The following IL20RB variants were observed in gnomAD, a reference collection of about 807,000 sequenced individuals.
The protein encoded by IL20RB is interleukin 20 receptor subunit beta.
A neutral mutation model predicts 33.3 loss-of-function variants in IL20RB; 21 were observed. The observed-to-expected ratio is 0.63, with a 90% CI of 0.45 to 0.91. IL20RB has a LOEUF of 0.91. IL20RB is among the 40% of genes least tolerant of loss of function. The pLI is 0.00. For synonymous variants in IL20RB, 147 were observed against 146.8 expected (o/e 1.00, Z -0.01); for missense variants, 345 against 384.8 (o/e 0.90, Z 0.86).
chr3:136,997,978 C>G (rs1942163985), intron 6 of IL20RB, among the ~76,000 whole-genome samples: 1 of 152,050 alleles, frequency 6.6e-6, no homozygotes. Context: ...CCATATTGAT[C>G]AGGCTGGTCT....
intron 3 of IL20RB, among the ~76,000 whole-genome samples, chr3:136,983,701 T>C (rs549593790): frequency 5.3e-5 from 8 of 152,284 alleles, no homozygotes; most frequent in African/African-American, 1.9e-4. Context: ...TCTTGAAGAA[T>C]AGGAGACACC....
intron 3 of IL20RB, among the ~76,000 whole-genome samples, chr3:136,985,252 A>T (rs1941871924): frequency 6.6e-6 from 1 of 152,040 alleles, no homozygotes. Context: ...CATTTGAAAA[A>T]GGCCACTCAG....
intron 6 of IL20RB, among the ~76,000 whole-genome samples, chr3:137,006,981 A>G (rs1038087107): frequency 1.3e-5 from 2 of 151,632 alleles, no homozygotes; most frequent in Non-Finnish European, 2.9e-5. Context: ...GTTGATGTTG[A>G]TGCTCTTCCT....
At chr3:136,985,056 G>A (rs1489837611) in intron 3 of IL20RB, among the ~76,000 whole-genome samples, 1 of 152,166 alleles carries the variant, frequency 6.6e-6, no homozygotes, top group East Asian at 1.9e-4. Context: ...ATGTGGGTGG[G>A]GATGTGCTGT....
chr3:136,976,364 C>T, intron 1 of IL20RB, among the ~76,000 whole-genome samples: 1 of 152,148 alleles, frequency 6.6e-6, no homozygotes, highest in East Asian at 1.9e-4. Flanking sequence ...TGAGGTCCTC[C>T]CACTGGAGAA....
At chr3:136,981,078 A>T (rs529181703) in intron 2 of IL20RB, among the ~76,000 whole-genome samples, 1 of 152,280 alleles carries the variant, frequency 6.6e-6, no homozygotes, top group Non-Finnish European at 1.5e-5. Context: ...AAATTGCTCC[A>T]TATATTTCAT....
chr3:137,006,180 T>C (rs1366004804), intron 6 of IL20RB, among the ~76,000 whole-genome samples: 2 of 152,294 alleles, frequency 1.3e-5, no homozygotes, highest in South Asian at 2.1e-4. Flanking sequence ...TGACCTTTCT[T>C]TCTGGCTGCC....
chr3:137,007,917 G>A (rs1039904533), intron 6 of IL20RB, among the ~76,000 whole-genome samples: 8 of 152,100 alleles, frequency 5.3e-5, no homozygotes, highest in Non-Finnish European at 1.0e-4. Flanking sequence ...CAGCCATCTT[G>A]GAACGCAATC....
chr3:137,006,349 C>CGCAT (rs1173308819), intron 6 of IL20RB, among the ~76,000 whole-genome samples: 2 of 152,220 alleles, frequency 1.3e-5, no homozygotes, highest in African/African-American at 4.8e-5. Context: ...GGATAATATC[C>CGCAT]TGCAGAGTGT....
chr3:137,006,462 T>C (rs1942352029), intron 6 of IL20RB, among the ~76,000 whole-genome samples: 1 of 147,584 alleles, frequency 6.8e-6, no homozygotes, highest in Admixed American at 6.8e-5. Flanking sequence ...CTTTGTTCAC[T>C]TTTTTTTTTA....
chr3:136,982,484 C>G lies in IL20RB; in HGVS notation c.406+134C>G, dbSNP rs928282685. 5.1e-6 allele frequency: 3 copies of G among 582,718 alleles called. No homozygotes were observed. The African/African-American group carries it at 5.7e-5, about 11-fold the overall frequency. The allele number at this position is 582,718 out of a possible 1,614,324, so 36.1% of individuals were successfully genotyped here. On this transcript the variant is annotated intron_variant, in intron 3 of 6. Coordinates refer to ENST00000329582, the MANE Select transcript of IL20RB (RefSeq NM_144717.4). ...CCAGAGTATTGTGAACACAAACAAC[C>G]CTTACTGGTATATTTGAAAAATTGC...
At chr3:137,009,845 C>T (rs192909244) in intron 6 of IL20RB, among the ~76,000 whole-genome samples, 2 of 151,916 alleles carry the variant, frequency 1.3e-5, no homozygotes, top group East Asian at 3.9e-4. Flanking sequence ...TTTTAAGAAC[C>T]AGAATTACAT....
intron 3 of IL20RB, among the ~76,000 whole-genome samples, chr3:136,982,981 G>T (rs976169017): frequency 2.0e-5 from 3 of 152,206 alleles, no homozygotes; most frequent in Non-Finnish European, 4.4e-5. Flanking sequence ...AGGGCTGATG[G>T]GCAGGGGGTA....
rs145506661 is a variant in IL20RB, at chr3:136,997,522, T to C, written c.825+1966T>C. ...CAAGTAATGGAGTCTTTTATCATTATGATATGTTCTTCTTTACCTCTGGTA... is the reference window on the plus strand; with the variant it reads ...CAAGTAATGGAGTCTTTTATCATTACGATATGTTCTTCTTTACCTCTGGTA... On this transcript the variant is annotated intron_variant, in intron 6 of 6. Transcript: ENST00000329582. 9.7e-3 allele frequency among the ~76,000 whole-genome samples: 1,470 copies of C among 152,262 alleles called. 11 individuals are homozygous for C. Among genetic ancestry groups the C allele is most frequent in the South Asian group, 0.018 (87 of 4,830 alleles).
intron 6 of IL20RB, among the ~76,000 whole-genome samples, chr3:137,006,928 T>G (rs1683834134): frequency 6.6e-6 from 1 of 152,224 alleles, no homozygotes; most frequent in South Asian, 2.1e-4. Flanking sequence ...TTCGTCTTGA[T>G]GTTGGTGACT....
Position 136,962,095 on chromosome 3 carries a change from T to C in IL20RB, c.88+3894T>C, listed in dbSNP as rs1641735589. Among the ~76,000 whole-genome samples the C allele has an allele frequency of 1.3e-5, 2 of 152,136 alleles. 1 individual carries two copies. The highest frequency in any genetic ancestry group is 4.1e-4 in the South Asian group (2 of 4,832). On this transcript the variant is annotated intron_variant, in intron 1 of 6. Transcript: ENST00000329582. ...GGAACAGCTCTTCCTAACAAAAGAA[T>C]ACAATTAAATAAAATATCACTACTA...
intron 6 of IL20RB, among the ~76,000 whole-genome samples, chr3:137,007,539 C>A (rs796172815): frequency 6.6e-6 from 1 of 152,256 alleles, no homozygotes; most frequent in African/African-American, 2.4e-5. Context: ...GCAGATTGAT[C>A]TCAGACTGCT....
In IL20RB at chr3:136,982,308, T is replaced by C. The variant is rs1560070544; in HGVS notation, c.364T>C (p.Ser122Pro). The C allele has an allele frequency of 6.2e-7, 1 of 1,608,216 alleles. No homozygotes were observed. Among genetic ancestry groups the C allele is most frequent in the Non-Finnish European group, 8.5e-7 (1 of 1,175,678 alleles). Residue 122 changes from serine to proline, a missense_variant, in exon 3 of 7, where the codon TCA (serine) becomes CCA (proline). Ser to Pro is a moderately conservative substitution (Grantham distance 74). Coordinates refer to ENST00000329582, the MANE Select transcript of IL20RB (RefSeq NM_144717.4). ...CAGGGCCACATTGGGCTCACAGACC[T>C]CAGCCTGGAGCATCCTGAAGCATCC... ...RVRATLGSQT[S>P]AWSILKHPFN...
chr3:136,982,351 G>A lies in IL20RB; in HGVS notation c.406+1G>A, dbSNP rs771294835. On this transcript the variant is annotated splice_donor_variant, in intron 3 of 6. Coordinates refer to ENST00000329582, the MANE Select transcript of IL20RB (RefSeq NM_144717.4). LOFTEE classifies it high-confidence loss of function. ...AAGCATCCCTTTAATAGAAACTCAA[G>A]TAAGGCACTTCTCTCCTTACACTCC... 6.4e-7 allele frequency: 1 copy of A among 1,573,076 alleles called. No individual in the cohort carries two copies. The highest frequency in any genetic ancestry group is 1.7e-5 in the Admixed American group (1 of 58,304).
Sources: allele counts gnomAD v4.1 joint callset (sites outside exome capture counted in the v4.1 genomes callset), GRCh38; gene constraint gnomAD v4.1.1; transcripts MANE v1.5; gene names NCBI Gene and HGNC (gene_info 2026-07-23, HGNC 2026-07-21).